CREB3L2: variants seen among roughly 807,000 people sequenced by gnomAD.
CREB3L2 encodes cAMP responsive element binding protein 3 like 2.
CREB3L2 carries 23 observed loss-of-function variants against 57.2 expected under a neutral mutation model. That is an observed-to-expected ratio of 0.40 (90% confidence interval 0.29 to 0.57). The LOEUF is 0.57. CREB3L2 is among the 20% of genes least tolerant of loss of function. The pLI, the probability that CREB3L2 is intolerant of heterozygous loss-of-function variation, is 0.42. For synonymous variants in CREB3L2, 268 were observed against 265.1 expected (o/e 1.01, Z -0.11); for missense variants, 628 against 634.7 (o/e 0.99, Z 0.11).
intron 1 of CREB3L2, among the ~76,000 whole-genome samples, chr7:137,941,630 G>A (rs924267431): frequency 6.6e-6 from 1 of 152,180 alleles, no homozygotes; most frequent in Non-Finnish European, 1.5e-5. Context: ...GCTAGCCCCA[G>A]CCAGGTTATT....
intron 6 of CREB3L2, among the ~76,000 whole-genome samples, chr7:137,904,509 C>A (rs1211084020): frequency 6.6e-6 from 1 of 152,036 alleles, no homozygotes; most frequent in Non-Finnish European, 1.5e-5. Flanking sequence ...ACTAAAAATA[C>A]AAAAATTAGC....
intron 1 of CREB3L2, among the ~76,000 whole-genome samples, chr7:137,929,550 T>C (rs1174885006): frequency 3.3e-5 from 5 of 152,022 alleles, no homozygotes; most frequent in Non-Finnish European, 7.4e-5. Context: ...CTATTGACTA[T>C]ATTAGAAATA....
chr7:137,962,698 C>T (rs182179482), intron 1 of CREB3L2, among the ~76,000 whole-genome samples: 27 of 151,848 alleles, frequency 1.8e-4, no homozygotes, highest in Admixed American at 1.6e-3. Context: ...TAACATGAAT[C>T]GCCCCCTAAG....
intron 8 of CREB3L2, among the ~76,000 whole-genome samples, chr7:137,895,226 G>A (rs1224323271): frequency 2.0e-5 from 3 of 152,246 alleles, no homozygotes; most frequent in Non-Finnish European, 4.4e-5. Context: ...TCTCAGGGAT[G>A]AGACCAGGGT....
At chr7:137,927,278 G>GGAAGGAGGAAGGAAGGA (rs1554498592) in intron 2 of CREB3L2, among the ~76,000 whole-genome samples, 1 of 136,530 alleles carries the variant, frequency 7.3e-6, no homozygotes, top group African/African-American at 3.1e-5. Flanking sequence ...GAAAGGAAAG[G>GGAAGGAGGAAGGAAGGA]AGGAAGGAAG....
intron 2 of CREB3L2, among the ~76,000 whole-genome samples, chr7:137,922,328 T>A (rs1800300194): frequency 6.8e-6 from 1 of 146,240 alleles, no homozygotes; most frequent in African/African-American, 2.6e-5. Context: ...CAAAATAAAC[T>A]CCTAAATTGA....
At chr7:137,976,383 G>A (rs763093321) in intron 1 of CREB3L2, among the ~76,000 whole-genome samples, 7 of 152,232 alleles carry the variant, frequency 4.6e-5, no homozygotes, top group South Asian at 2.1e-4. Context: ...GTGGCCACTC[G>A]TTAATTTATC....
chr7:137,965,665 G>A (rs1161674886), intron 1 of CREB3L2, among the ~76,000 whole-genome samples: 2 of 152,104 alleles, frequency 1.3e-5, no homozygotes, highest in Admixed American at 6.6e-5. Flanking sequence ...AAAGCCCTAG[G>A]TTCTCCAGCC....
At chr7:137,962,994 C>A (rs955711125) in intron 1 of CREB3L2, among the ~76,000 whole-genome samples, 1 of 152,222 alleles carries the variant, frequency 6.6e-6, no homozygotes, top group African/African-American at 2.4e-5. Flanking sequence ...ACTGATCTGA[C>A]ATCTGACATC....
chr7:137,970,063 A>G (rs1801481580), intron 1 of CREB3L2, among the ~76,000 whole-genome samples: 1 of 152,198 alleles, frequency 6.6e-6, no homozygotes, highest in African/African-American at 2.4e-5. Flanking sequence ...TTAGAAGATC[A>G]TCCAGCTCTG....
chr7:137,959,488 A>T (rs1454702400), intron 1 of CREB3L2, among the ~76,000 whole-genome samples: 1 of 152,244 alleles, frequency 6.6e-6, no homozygotes, highest in Admixed American at 6.5e-5. Flanking sequence ...CCAGCAGAAG[A>T]AAAGTCCATC....
intron 1 of CREB3L2, among the ~76,000 whole-genome samples, chr7:137,967,372 T>C (rs1219697113): frequency 6.6e-6 from 1 of 152,168 alleles, no homozygotes; most frequent in African/African-American, 2.4e-5. Context: ...ATTATCTACC[T>C]AGAGACAATT....
At chr7:137,940,338 A>C (rs1233905179) in intron 1 of CREB3L2, among the ~76,000 whole-genome samples, 1 of 151,970 alleles carries the variant, frequency 6.6e-6, no homozygotes, top group African/African-American at 2.4e-5. Flanking sequence ...CTATTCCTAC[A>C]CTCTTGCATC....
chr7:137,948,361 G>C (rs1474119691), intron 1 of CREB3L2, among the ~76,000 whole-genome samples: 6 of 152,176 alleles, frequency 3.9e-5, no homozygotes, highest in Non-Finnish European at 8.8e-5. Context: ...CTCAACTAGT[G>C]CCTAAGCTTC....
chr7:137,961,595 T>C (rs1222746119), intron 1 of CREB3L2, among the ~76,000 whole-genome samples: 1 of 152,126 alleles, frequency 6.6e-6, no homozygotes, highest in Non-Finnish European at 1.5e-5. Flanking sequence ...TCCTGTCATT[T>C]TGGGGGTCCC....
At chr7:137,923,033 T>G (rs1466694952) in intron 2 of CREB3L2, among the ~76,000 whole-genome samples, 9 of 152,314 alleles carry the variant, frequency 5.9e-5, no homozygotes, top group Non-Finnish European at 1.3e-4. Context: ...TATCTCCCCC[T>G]GGCCCGTTCC....
chr7:137,949,744 CAT>C (rs1342384142), intron 1 of CREB3L2, among the ~76,000 whole-genome samples: 1 of 152,132 alleles, frequency 6.6e-6, no homozygotes, highest in Non-Finnish European at 1.5e-5. Flanking sequence ...GGAAAAATAA[CAT>C]GTTTTGGAAG....
At chr7:137,956,957 G>C (rs1801226549) in intron 1 of CREB3L2, among the ~76,000 whole-genome samples, 1 of 152,186 alleles carries the variant, frequency 6.6e-6, no homozygotes, top group Admixed American at 6.5e-5. Flanking sequence ...GTCAAACAGA[G>C]GCCTTTTAGA....
intron 1 of CREB3L2, among the ~76,000 whole-genome samples, chr7:137,983,825 G>A (rs1177079966): frequency 2.0e-5 from 3 of 152,220 alleles, no homozygotes; most frequent in Non-Finnish European, 4.4e-5. Context: ...CAGAAGGCTG[G>A]ATTCCAGGTT....
Sources: gnomAD v4.1 joint callset for allele counts (sites outside exome capture counted in the v4.1 genomes callset) on GRCh38, gnomAD v4.1.1 for gene constraint, MANE v1.5 for transcripts, NCBI Gene and HGNC (gene_info 2026-07-23, HGNC 2026-07-21) for gene names.